The following CFHR5 variants were observed in gnomAD, a reference collection of about 807,000 sequenced individuals.
CFHR5 encodes complement factor H-related protein 5.
A neutral mutation model predicts 62.9 loss-of-function variants in CFHR5; 73 were observed. The observed-to-expected ratio is 1.16, with a 90% CI of 0.96 to 1.41. CFHR5 has a LOEUF of 1.41. Ranked by LOEUF, CFHR5 falls within the 40% of genes most tolerant of loss-of-function variation. The pLI is 0.00. For missense variants in CFHR5, 779 were observed against 679.9 expected (o/e 1.15, Z -1.62); for synonymous variants, 249 against 227.2 (o/e 1.10, Z -0.86).
intron 1 of CFHR5, among the ~76,000 whole-genome samples, chr1:196,981,818 CAT>C (rs1445742399): frequency 1.3e-5 from 2 of 151,882 alleles, no homozygotes; most frequent in African/African-American, 4.8e-5. Context: ...TAATATCTAA[CAT>C]AATGTAAATA....
intron 7 of CFHR5, among the ~76,000 whole-genome samples, chr1:196,999,445 C>CT (rs1654074485): frequency 6.6e-6 from 1 of 151,400 alleles, no homozygotes; most frequent in Non-Finnish European, 1.5e-5. Context: ...CTATAGATGA[C>CT]TTTTTGTAAC....
chr1:196,993,047 A>G (rs1197628600), intron 3 of CFHR5, among the ~76,000 whole-genome samples: 1 of 152,018 alleles, frequency 6.6e-6, no homozygotes, highest in African/African-American at 2.4e-5. Context: ...AAAGATTATT[A>G]AATGAGAAAA....
At chr1:196,992,766 A>G (rs1416587816) in intron 3 of CFHR5, among the ~76,000 whole-genome samples, 3 of 152,210 alleles carry the variant, frequency 2.0e-5, no homozygotes, top group African/African-American at 4.8e-5. Flanking sequence ...CTGGAATAAC[A>G]AACAGAGATT....
chr1:196,978,653 A>G (rs1305772094), intron 1 of CFHR5, among the ~76,000 whole-genome samples: 1 of 152,150 alleles, frequency 6.6e-6, no homozygotes, highest in African/African-American at 2.4e-5. Context: ...GCAAAACATT[A>G]TTTCTATGGG....
intron 7 of CFHR5, among the ~76,000 whole-genome samples, chr1:196,999,717 A>G (rs1246679571): frequency 1.9e-5 from 1 of 53,408 alleles, no homozygotes; most frequent in Non-Finnish European, 4.4e-5. Context: ...ATATATATAT[A>G]TATATACACA....
intron 3 of CFHR5, among the ~76,000 whole-genome samples, chr1:196,987,771 G>C (rs1453472477): frequency 6.6e-6 from 1 of 152,122 alleles, no homozygotes; most frequent in Non-Finnish European, 1.5e-5. Context: ...TTGTAGTATA[G>C]CCTTGTAGTA....
At chr1:197,008,406 C>G in intron 9 of CFHR5, 81 bp from the exon 10 acceptor site, 9 of 751,374 alleles carry the variant, frequency 1.2e-5, no homozygotes, top group Non-Finnish European at 1.7e-5. Flanking sequence ...CCAAAATATT[C>G]TTAAATGCAA....
intron 3 of CFHR5, 22 bp downstream of exon 3, chr1:196,984,159 C>T: frequency 6.3e-7 from 1 of 1,598,154 alleles, no homozygotes; most frequent in African/African-American, 1.3e-5. Flanking sequence ...ACCACTCTCT[C>T]AGTTTTGCTA....
rs759867911 is a variant in CFHR5 at position 197,004,857 on chromosome 1, A to AT, written c.1513+16dup. ...CAAGATGCCTAGGTGAGTTCTTAAT[A>AT]TTCTCTTGGAATCTGAGATTTAATA... is the stretch of plus-strand genomic sequence containing the variant. On this transcript the variant is annotated intron_variant, in intron 9 of 9. Coordinates refer to ENST00000256785, the MANE Select transcript of CFHR5 (RefSeq NM_030787.4). The AT allele has an allele frequency of 1.6e-5, 26 of 1,579,472 alleles. No homozygotes were observed. Among genetic ancestry groups the AT allele is most frequent in the Non-Finnish European group, 1.9e-5 (22 of 1,148,792 alleles).
In CFHR5 at chr1:196,999,827, GTA is replaced by G. The variant is rs1292914967; in HGVS notation, c.1147+1532_1147+1533del. Among the ~76,000 whole-genome samples the G allele has an allele frequency of 2.4e-3, 352 of 146,116 alleles. 5 individuals carry two copies. The highest frequency in any genetic ancestry group is 0.011 in the Middle Eastern group (3 of 272). ...TATATGTGTGTGTGTGTGTGTGTGT[GTA>G]TATATATAATATATATGTATATCCT... On this transcript the variant is annotated intron_variant, in intron 7 of 9. Coordinates refer to ENST00000256785, the MANE Select transcript of CFHR5 (RefSeq NM_030787.4).
chr1:197,002,535 A>G lies in CFHR5; in HGVS notation c.1201A>G (p.Met401Val). 6.2e-7 allele frequency: 1 copy of G among 1,613,752 alleles called. No individual in the cohort carries two copies. Among genetic ancestry groups the G allele is most frequent in the Non-Finnish European group, 8.5e-7 (1 of 1,179,794 alleles). The change falls in exon 8 of 10, where the codon ATG (methionine) becomes GTG (valine). Residue 401 changes from methionine (M) to valine (V), a missense_variant. Coordinates refer to ENST00000256785, the MANE Select transcript of CFHR5 (RefSeq NM_030787.4). The part of the protein sequence containing the change: ...PPPQIPNAQN[M>V]TTTVNYQDGE... The stretch of plus-strand genomic sequence containing the variant: ...ACCTCAGATACCTAATGCTCAGAAT[A>G]TGACAACCACAGTGAATTATCAGGA...
chr1:197,006,890 G>A (rs191538118), intron 9 of CFHR5, among the ~76,000 whole-genome samples: 2 of 151,142 alleles, frequency 1.3e-5, no homozygotes, highest in African/African-American at 2.4e-5. Flanking sequence ...AGGCTGGAGC[G>A]CAGTGGCGTG....
At chr1:196,987,961 G>A (rs910991411) in intron 3 of CFHR5, among the ~76,000 whole-genome samples, 3 of 152,158 alleles carry the variant, frequency 2.0e-5, no homozygotes, top group African/African-American at 7.2e-5. Context: ...ACCTTGGGCA[G>A]TATGGCCATT....
At position 196,995,894 on chromosome 1, in the gene CFHR5, G is replaced by A. The variant is rs957758962; in HGVS notation, c.785G>A (p.Cys262Tyr). The A allele has an allele frequency of 1.9e-6, 3 of 1,610,314 alleles. No homozygotes were observed. Among genetic ancestry groups the A allele is most frequent in the Non-Finnish European group, 1.7e-6 (2 of 1,176,772 alleles). The part of the protein sequence containing the change: ...VDGEWTTLPT[C>Y]VEQVKTCGYI... Reference sequence around the variant, plus strand: ...GGAGAATGGACAACTTTACCCACTTGTGTTGGTAAATAAATATTAACATTT... The same window carrying A: ...GGAGAATGGACAACTTTACCCACTTATGTTGGTAAATAAATATTAACATTT... The change falls in exon 5 of 10, where the codon TGT (cysteine) becomes TAT (tyrosine). Residue 262 changes from cysteine (C) to tyrosine (Y), a missense_variant. Transcript: ENST00000256785.
chr1:197,000,525 T>C (rs2125037834), intron 7 of CFHR5, among the ~76,000 whole-genome samples: 1 of 152,294 alleles, frequency 6.6e-6, no homozygotes, highest in South Asian at 2.1e-4. Context: ...ATAAAAACAA[T>C]AGTATATGTG....
chr1:196,999,309 T>G (rs777238612), intron 7 of CFHR5, among the ~76,000 whole-genome samples: 131 of 151,832 alleles, frequency 8.6e-4, no homozygotes, highest in Non-Finnish European at 1.5e-3. Flanking sequence ...TTTTTTCTAT[T>G]TGAGGAAGAG....
rs926311407 is a variant in CFHR5 at position 196,977,872 on chromosome 1, T to C, written c.58+150T>C. ...AATATTCATCTATTTTCTGGAAATA[T>C]TTTCCAACATGCAATTAGCAGGAAA... On this transcript the variant is annotated intron_variant, in intron 1 of 9. Coordinates refer to ENST00000256785, the MANE Select transcript of CFHR5 (RefSeq NM_030787.4). 1.5e-4 allele frequency: 105 copies of C among 708,712 alleles called. 1 individual carries two copies. The highest frequency in any genetic ancestry group is 1.1e-4 in the Admixed American group (5 of 46,198). 43.9% of individuals were successfully genotyped at this position (708,712 alleles called of 1,614,324 possible). A position where few individuals can be genotyped will look rare whatever the true frequency, so the allele number is the denominator to read the frequency against.
At chr1:196,987,353 CT>C in intron 3 of CFHR5, among the ~76,000 whole-genome samples, 1 of 152,104 alleles carries the variant, frequency 6.6e-6, no homozygotes. Flanking sequence ...TGTGCAGAAG[CT>C]CTTTAGTTTA....
At chr1:196,989,235 T>G (rs190537046) in intron 3 of CFHR5, among the ~76,000 whole-genome samples, 18 of 152,304 alleles carry the variant, frequency 1.2e-4, no homozygotes, top group African/African-American at 4.3e-4. Context: ...TCATTTTTTA[T>G]TGCATCTGCT....
Sources: gnomAD v4.1 joint callset for allele counts (sites outside exome capture counted in the v4.1 genomes callset) on GRCh38, gnomAD v4.1.1 for gene constraint, MANE v1.5 for transcripts, NCBI Gene and HGNC (gene_info 2026-07-23, HGNC 2026-07-21) for gene names.